CSMD2: variants seen among roughly 807,000 people sequenced by gnomAD.
CSMD2 encodes CUB and sushi domain-containing protein 2.
Under a neutral mutation model 398.5 loss-of-function variants are expected in CSMD2, and 130 were observed. The observed-to-expected ratio is 0.33, with a 90% CI of 0.28 to 0.38. The LOEUF (loss-of-function observed/expected upper bound fraction) is 0.38. CSMD2 is among the 10% of genes least tolerant of loss of function. The pLI is 1.00. For synonymous variants in CSMD2, 1,828 were observed against 1,908.5 expected, an observed-to-expected ratio of 0.96 and a Z score of 1.10; for missense variants, 3,829 against 4,764.9, an observed-to-expected ratio of 0.80 and a Z score of 5.78.
chr1:34,076,370 A>G (rs1656331958), intron 2 of CSMD2, among the ~76,000 whole-genome samples: 1 of 152,194 alleles, frequency 6.6e-6, no homozygotes, highest in African/African-American at 2.4e-5. Context: ...AATCCACCTC[A>G]CGGTTTTTCA....
At chr1:33,873,504 C>T (rs1207914800) in intron 5 of CSMD2, 1 of 152,180 alleles carries the variant, frequency 6.6e-6, no homozygotes, top group East Asian at 1.9e-4. Context: ...TCTGTCTTAT[C>T]CTCTCTCTCT....
At chr1:34,104,751 G>A (rs148153259) in intron 1 of CSMD2, among the ~76,000 whole-genome samples, 10 of 152,308 alleles carry the variant, frequency 6.6e-5, no homozygotes, top group East Asian at 3.9e-4. Context: ...CACCTTGTCC[G>A]CTGATGAGAG....
intron 4 of CSMD2, among the ~76,000 whole-genome samples, chr1:33,925,867 G>A (rs1644110619): frequency 6.6e-6 from 1 of 151,956 alleles, no homozygotes; most frequent in Non-Finnish European, 1.5e-5. Context: ...GCATTGCCTT[G>A]CTCCAGGGCC....
intron 49 of CSMD2, among the ~76,000 whole-genome samples, chr1:33,576,159 C>T (rs974520870): frequency 2.6e-5 from 4 of 152,014 alleles, no homozygotes; most frequent in Admixed American, 2.0e-4. Context: ...ATGTAATATT[C>T]ATAAAGATGG....
At chr1:34,165,442 C>A (rs969844369), upstream of CSMD2, among the ~76,000 whole-genome samples, 1 of 152,210 alleles carries the variant, frequency 6.6e-6, no homozygotes, top group Admixed American at 6.5e-5. Flanking sequence ...TCCTCTTCAG[C>A]GCCACCTCCA....
intron 5 of CSMD2, chr1:33,868,898 C>A (rs1260479430): frequency 6.6e-6 from 1 of 152,070 alleles, no homozygotes; most frequent in African/African-American, 2.4e-5. Flanking sequence ...GCGGAGCTGG[C>A]ATTTGGGTTT....
intron 5 of CSMD2, among the ~76,000 whole-genome samples, chr1:33,901,590 G>C (rs964825744): frequency 3.9e-5 from 6 of 152,202 alleles, no homozygotes; most frequent in Non-Finnish European, 8.8e-5. Flanking sequence ...GGTTTCAGGA[G>C]GGAGACCCTT....
intron 31 of CSMD2, among the ~76,000 whole-genome samples, chr1:33,634,151 G>A (rs1273322640): frequency 1.3e-5 from 2 of 152,182 alleles, no homozygotes; most frequent in Non-Finnish European, 2.9e-5. Flanking sequence ...GTATATTGGG[G>A]AGTGTGTGTA....
At chr1:33,706,958 T>G (rs1177240474) in intron 22 of CSMD2, among the ~76,000 whole-genome samples, 1 of 152,160 alleles carries the variant, frequency 6.6e-6, no homozygotes, top group Non-Finnish European at 1.5e-5. Flanking sequence ...CTCCCTGAAC[T>G]CTGACCTAGG....
At chr1:33,717,303 A>G (rs938590047) in intron 19 of CSMD2, among the ~76,000 whole-genome samples, 1 of 152,024 alleles carries the variant, frequency 6.6e-6, no homozygotes, top group Admixed American at 6.5e-5. Flanking sequence ...AGGAGGATGA[A>G]GTGGAGGGAG....
chr1:34,069,733 A>G (rs1045793333), intron 2 of CSMD2, among the ~76,000 whole-genome samples: 1 of 152,208 alleles, frequency 6.6e-6, no homozygotes, highest in African/African-American at 2.4e-5. Flanking sequence ...AAATAACAGA[A>G]TACTGCCTGG....
chr1:34,026,179 G>A (rs1649619356), intron 3 of CSMD2, among the ~76,000 whole-genome samples: 1 of 152,182 alleles, frequency 6.6e-6, no homozygotes, highest in Admixed American at 6.5e-5. Flanking sequence ...AGAGGCTGGA[G>A]CTCAATGAAA....
intron 14 of CSMD2, among the ~76,000 whole-genome samples, chr1:33,742,464 C>T (rs1647101843): frequency 6.6e-6 from 1 of 152,136 alleles, no homozygotes. Flanking sequence ...CCACCTCCAG[C>T]CTCACTTGAC....
intron 28 of CSMD2, among the ~76,000 whole-genome samples, chr1:33,648,912 T>A (rs1220418887): frequency 6.6e-6 from 1 of 152,236 alleles, no homozygotes; most frequent in East Asian, 1.9e-4. Flanking sequence ...TAAAAAAGAC[T>A]ACATTGACAT....
intron 52 of CSMD2, among the ~76,000 whole-genome samples, chr1:33,568,450 G>T (rs1342699925): frequency 6.6e-6 from 1 of 152,152 alleles, no homozygotes; most frequent in African/African-American, 2.4e-5. Context: ...GCTTCCCAAA[G>T]TGCTGGGATT....
At chr1:33,591,093 A>T (rs1407011143) in intron 44 of CSMD2, among the ~76,000 whole-genome samples, 2 of 135,646 alleles carry the variant, frequency 1.5e-5, no homozygotes. Context: ...GTTTCAAGTG[A>T]TTCTCCTGCC....
chr1:33,850,022 T>C (rs576438409), intron 5 of CSMD2, among the ~76,000 whole-genome samples: 1 of 152,110 alleles, frequency 6.6e-6, no homozygotes, highest in Admixed American at 6.6e-5. Context: ...GCCACAGATA[T>C]CTCCTCACTG....
At chr1:33,536,309 C>T (rs945085175) in intron 62 of CSMD2, among the ~76,000 whole-genome samples, 3 of 152,110 alleles carry the variant, frequency 2.0e-5, no homozygotes, top group Admixed American at 6.5e-5. Flanking sequence ...CTGCAAGCTC[C>T]GCCTCCTGGG....
Position 33,635,201 on chromosome 1 carries a change from C to T in CSMD2, c.5086+13G>A, listed in dbSNP as rs1270620843. On this transcript the variant is annotated intron_variant, in intron 31 of 70. Coordinates refer to ENST00000373381, the MANE Select transcript of CSMD2 (RefSeq NM_001281956.2). This position sits in a 1 kb window ranked among gnomAD's most constrained non-coding sequence, Gnocchi z 5.0. ...TCAGAAAACATATGAACAACAACAA[C>T]CAAAACCCATACCATAGTCCTTGGG... is the stretch of plus-strand genomic sequence containing the variant. The T allele has an allele frequency of 2.6e-6, 4 of 1,555,568 alleles. No individual in the cohort carries two copies. The highest frequency in any genetic ancestry group is 3.5e-6 in the Non-Finnish European group (4 of 1,128,692).
Sources: gnomAD v4.1 joint callset for allele counts (sites outside exome capture counted in the v4.1 genomes callset) on GRCh38, gnomAD v4.1.1 for gene constraint, Gnocchi (gnomAD v3.1) non-coding constraint, MANE v1.5 for transcripts, NCBI Gene and HGNC (gene_info 2026-07-23, HGNC 2026-07-21) for gene names.